Variants in WWOX observed in about 807,000 individuals in gnomAD.
The protein encoded by WWOX is WW domain-containing oxidoreductase.
A neutral mutation model predicts 46.2 loss-of-function variants in WWOX; 69 were observed. The observed-to-expected ratio is 1.49, with a 90% CI of 1.23 to 1.82. The LOEUF is 1.82. WWOX is among the 40% of genes most tolerant of loss of function. The pLI is 0.00. For missense variants in WWOX, 919 were observed against 542.6 expected, an observed-to-expected ratio of 1.69 and a Z score of -6.89; for synonymous variants, 359 against 202.6, an observed-to-expected ratio of 1.77 and a Z score of -6.56.
Position 78,403,331 on chromosome 16 carries a change from C to T in WWOX, c.605+16383C>T, listed in dbSNP as rs530597296. 3.9e-5 allele frequency among the ~76,000 whole-genome samples: 6 copies of T among 152,248 alleles called. No homozygotes were observed. The East Asian group carries it at 1.2e-3, about 29-fold the overall frequency. On this transcript the variant is annotated intron_variant, in intron 6 of 8. Transcript: ENST00000566780. The stretch of plus-strand genomic sequence containing the variant: ...TCTCTTTGCATGATGTGAATGAAAT[C>T]GTCATCTGGTACTTAAAACTATTCT...
chr16:78,918,589 T>A (rs1388742703), intron 8 of WWOX, among the ~76,000 whole-genome samples: 1 of 152,236 alleles, frequency 6.6e-6, no homozygotes, highest in Non-Finnish European at 1.5e-5. Context: ...TGCTTGTTAC[T>A]ATTTTGTGTA....
chr16:78,823,306 A>G (rs1346799253), intron 8 of WWOX, among the ~76,000 whole-genome samples: 1 of 152,202 alleles, frequency 6.6e-6, no homozygotes, highest in Non-Finnish European at 1.5e-5. Context: ...CTGCAGGAAG[A>G]GAGGAGTTGA....
At chr16:78,789,808 T>A (rs1190098461) in intron 8 of WWOX, among the ~76,000 whole-genome samples, 1 of 152,140 alleles carries the variant, frequency 6.6e-6, no homozygotes, top group African/African-American at 2.4e-5. Flanking sequence ...TTCCAGTTTT[T>A]CCCCCTCCAG....
chr16:79,032,289 G>T (rs1161543842), intron 8 of WWOX, among the ~76,000 whole-genome samples: 2 of 143,938 alleles, frequency 1.4e-5, no homozygotes, highest in Non-Finnish European at 1.5e-5. Context: ...ATATATAATA[G>T]ACTCTATAAT....
At chr16:78,148,287 G>GGT (rs2034278091) in intron 4 of WWOX, among the ~76,000 whole-genome samples, 1 of 152,106 alleles carries the variant, frequency 6.6e-6, no homozygotes, top group Admixed American at 6.6e-5. Flanking sequence ...TGAGACCATG[G>GGT]GTGTGTGTGT....
intron 8 of WWOX, among the ~76,000 whole-genome samples, chr16:78,966,147 T>C (rs1037757629): frequency 6.6e-6 from 1 of 152,208 alleles, no homozygotes; most frequent in African/African-American, 2.4e-5. Flanking sequence ...CCAACTTAGA[T>C]ATTAAATCCC....
intron 8 of WWOX, among the ~76,000 whole-genome samples, chr16:79,184,493 C>T (rs555940029): frequency 6.6e-6 from 1 of 152,286 alleles, no homozygotes; most frequent in East Asian, 1.9e-4. Flanking sequence ...TGACCAAAAG[C>T]ACAAGACAAA....
chr16:79,024,727 G>T (rs567719854), intron 8 of WWOX, among the ~76,000 whole-genome samples: 4 of 151,994 alleles, frequency 2.6e-5, no homozygotes, highest in Admixed American at 2.0e-4. Flanking sequence ...GAGCCACCAT[G>T]CCTGGCCCTG....
At chr16:78,350,466 T>G (rs2081164226) in intron 5 of WWOX, among the ~76,000 whole-genome samples, 1 of 120,554 alleles carries the variant, frequency 8.3e-6, no homozygotes, top group Admixed American at 8.1e-5. Flanking sequence ...ACTCCCAACC[T>G]CTCTCCCAGC....
chr16:78,762,751 C>G (rs2049825128), intron 8 of WWOX, among the ~76,000 whole-genome samples: 1 of 152,190 alleles, frequency 6.6e-6, no homozygotes, highest in South Asian at 2.1e-4. Flanking sequence ...TCTACTACAT[C>G]CCAGCTGTGT....
At chr16:79,134,553 T>C (rs935515269) in intron 8 of WWOX, among the ~76,000 whole-genome samples, 1 of 152,174 alleles carries the variant, frequency 6.6e-6, no homozygotes, top group African/African-American at 2.4e-5. Context: ...CTCTTCCTCA[T>C]TGCTGCTTAC....
chr16:78,764,492 A>C lies in WWOX; in HGVS notation c.1056+331740A>C, dbSNP rs536378156. ...AATTAAGACTGTTTTCATCCAAACC[A>C]GTTACCTGTTTGTCTAGAACCTGTG... On this transcript the variant is annotated intron_variant, in intron 8 of 8. Coordinates refer to ENST00000566780, the MANE Select transcript of WWOX (RefSeq NM_016373.4). Among the ~76,000 whole-genome samples, 7 of 147,642 alleles carry C rather than the reference A, an allele frequency of 4.7e-5. No homozygotes were observed. In the South Asian group the frequency reaches 1.7e-3, roughly 36 times the overall value.
intron 8 of WWOX, among the ~76,000 whole-genome samples, chr16:78,491,514 G>A (rs571030581): frequency 1.3e-5 from 2 of 152,224 alleles, no homozygotes; most frequent in South Asian, 2.1e-4. Context: ...CCAGGCTGGA[G>A]TGCAGTGGCA....
chr16:78,946,661 C>T (rs1232194722), intron 8 of WWOX, among the ~76,000 whole-genome samples: 1 of 152,128 alleles, frequency 6.6e-6, no homozygotes, highest in Non-Finnish European at 1.5e-5. Context: ...TGGCATGTCT[C>T]CACTCTGCAG....
At chr16:78,158,807 C>T (rs115496465) in intron 4 of WWOX, among the ~76,000 whole-genome samples, 2,481 of 152,200 alleles carry the variant, frequency 0.016, 74 homozygotes, top group African/African-American at 0.057. Flanking sequence ...AAGTATATAC[C>T]TGTGAAACCA....
At chr16:78,726,745 A>T (rs2048846213) in intron 8 of WWOX, among the ~76,000 whole-genome samples, 1 of 147,558 alleles carries the variant, frequency 6.8e-6, no homozygotes, top group African/African-American at 2.5e-5. Context: ...TTGCCAGGGG[A>T]TGCTGTGGTT....
rs113676345 is a variant in WWOX, at chr16:78,718,443, A to G, written c.1056+285691A>G. 7.0e-3 allele frequency among the ~76,000 whole-genome samples: 1,060 copies of G among 152,296 alleles called. 13 individuals are homozygous for G. Among genetic ancestry groups the G allele is most frequent in the African/African-American group, 0.024 (993 of 41,552 alleles). On this transcript the variant is annotated intron_variant, in intron 8 of 8. Coordinates refer to ENST00000566780, the MANE Select transcript of WWOX (RefSeq NM_016373.4). Reference sequence around the variant, plus strand: ...TTTTTGCTCACTTGAGTTGGAGCCAAACTTTATAACTGAATAGGAGGGTTC... The same window carrying G: ...TTTTTGCTCACTTGAGTTGGAGCCAGACTTTATAACTGAATAGGAGGGTTC...
intron 8 of WWOX, among the ~76,000 whole-genome samples, chr16:78,555,051 TG>T (rs1474244125): frequency 6.6e-6 from 1 of 151,970 alleles, no homozygotes; most frequent in Non-Finnish European, 1.5e-5. Flanking sequence ...CCGAGGAATG[TG>T]GAGACATTGG....
intron 7 of WWOX, among the ~76,000 whole-genome samples, chr16:78,428,305 G>C (rs969045719): frequency 2.6e-5 from 4 of 152,208 alleles, no homozygotes; most frequent in African/African-American, 9.7e-5. Flanking sequence ...CTGGAGCTGA[G>C]AGGTGAACAT....
Sources: gnomAD v4.1 joint callset for allele counts (sites outside exome capture counted in the v4.1 genomes callset) on GRCh38, gnomAD v4.1.1 for gene constraint, MANE v1.5 for transcripts, NCBI Gene and HGNC (gene_info 2026-07-23, HGNC 2026-07-21) for gene names.